CEP350: variants seen among roughly 807,000 people sequenced by gnomAD.
The protein encoded by CEP350 is centrosomal protein 350.
A neutral mutation model predicts 331.8 loss-of-function variants in CEP350; 126 were observed. The ratio of observed to expected loss-of-function variants is 0.38; its 90% CI spans 0.33 to 0.44. The LOEUF is 0.44. Ranked by LOEUF, CEP350 falls within the 20% of genes least tolerant of loss-of-function variation. The pLI, the probability that CEP350 is intolerant of heterozygous loss-of-function variation, is 1.00. For synonymous variants in CEP350, 1,200 were observed against 1,259.5 expected (o/e 0.95, Z 1.00); for missense variants, 3,406 against 3,634.6 (o/e 0.94, Z 1.62).
rs1301938000 is a variant in CEP350 at position 180,065,158 on chromosome 1, G to C, written c.5453G>C (p.Ser1818Thr). 1.9e-6 allele frequency: 3 copies of C among 1,613,304 alleles called. No homozygotes were observed. The highest frequency in any genetic ancestry group is 2.5e-6 in the Non-Finnish European group (3 of 1,179,658). Residue 1818 changes from serine to threonine, a missense_variant, in exon 27 of 38, where the codon AGT (serine) becomes ACT (threonine). This residue lies in a region of CEP350 where 1,415 missense variants were observed against 1,512.3 expected (regional missense o/e 0.94). Transcript: ENST00000367607. Reference protein sequence around the residue: ...DDDTKDNKATSPGPTDLETRS... With the variant: ...DDDTKDNKATTPGPTDLETRS... ...GATACAAAGGATAATAAGGCAACCA[G>C]TCCTGGTCCAACTGACTTGGAGACC...
At chr1:180,065,719 C>T (rs527551319) in intron 27 of CEP350, among the ~76,000 whole-genome samples, 10 of 152,044 alleles carry the variant, frequency 6.6e-5, no homozygotes, top group African/African-American at 2.2e-4. Context: ...GATTGTGCCA[C>T]TGCACTCCAG....
chr1:180,077,120 G>A (rs1659269093), intron 28 of CEP350, among the ~76,000 whole-genome samples: 1 of 151,980 alleles, frequency 6.6e-6, no homozygotes, highest in South Asian at 2.1e-4. Context: ...ATACACATAG[G>A]TAATCCAGAA....
intron 3 of CEP350, among the ~76,000 whole-genome samples, chr1:179,990,056 G>A (rs908493720): frequency 4.6e-5 from 7 of 151,956 alleles, no homozygotes; most frequent in Admixed American, 4.6e-4. Context: ...CGGCGTGGTG[G>A]CGCACGCCTG....
chr1:180,095,388 C>A, intron 34 of CEP350, 135 bp from the exon 35 acceptor site: 1 of 990,818 alleles, frequency 1.0e-6, no homozygotes, highest in Non-Finnish European at 1.4e-6. Context: ...TAGTAGCCAC[C>A]ATATTGTTTT....
chr1:180,048,755 G>A, intron 22 of CEP350, 50 bp downstream of exon 22: 1 of 1,427,754 alleles, frequency 7.0e-7, no homozygotes, highest in Non-Finnish European at 9.7e-7. Context: ...GAAACCAGAG[G>A]AAAGGTGATC....
intron 37 of CEP350, among the ~76,000 whole-genome samples, chr1:180,104,933 T>C (rs1245462841): frequency 6.6e-6 from 1 of 152,140 alleles, no homozygotes; most frequent in Non-Finnish European, 1.5e-5. Flanking sequence ...ACTGAATCTT[T>C]TCCATTAGCA....
rs1210607526 is a variant in CEP350 at position 179,955,130 on chromosome 1, G to A, written c.-26G>A. On this transcript the variant is annotated 5_prime_UTR_variant, in exon 1 of 38. Transcript: ENST00000367607. ...TGCACCGTGGTAGCCGAGGGCGGAG[G>A]CGACACTCTCAGGTGAGCTCCTGTA... 1 of 1,469,398 alleles carries A rather than the reference G, an allele frequency of 6.8e-7. No individual in the cohort carries two copies. The highest frequency in any genetic ancestry group is 1.5e-5 in the African/African-American group (1 of 68,622). 91.0% of individuals were successfully genotyped at this position (1,469,398 alleles called of 1,614,324 possible). A position where few individuals can be genotyped will look rare whatever the true frequency, so the allele number is the denominator to read the frequency against.
Position 180,031,451 on chromosome 1 carries a change from G to A in CEP350, c.3682G>A (p.Asp1228Asn), listed in dbSNP as rs1656013861. Residue 1228 changes from aspartate (D) to asparagine (N), a missense_variant, in exon 15 of 38, where the codon GAT becomes AAT. Physicochemically the swap from Asp to Asn is conservative, Grantham distance 23 (BLOSUM62 1). Transcript: ENST00000367607. ...TGTTAAAGATTTTGAGCAGACTCTTGATACAGATAGCACTTTGGAGGATCT... is the reference window on the plus strand; with the variant it reads ...TGTTAAAGATTTTGAGCAGACTCTTAATACAGATAGCACTTTGGAGGATCT... ...LSVKDFEQTL[D>N]TDSTLEDLSG... 12 of 1,587,304 alleles carry A rather than the reference G, an allele frequency of 7.6e-6. No individual in the cohort carries two copies. The highest frequency in any genetic ancestry group is 1.0e-5 in the Non-Finnish European group (12 of 1,165,474).
At chr1:180,019,811 GATCTTTATCTTTTTT>G (rs1329561238) in intron 11 of CEP350, 123 bp from the exon 12 acceptor site, 1 of 634,746 alleles carries the variant, frequency 1.6e-6, no homozygotes, top group African/African-American at 1.9e-5. Flanking sequence ...TTTGCTGAGT[GATCTTTATCTTTTTT>G]ATATTTTTTA....
intron 1 of CEP350, among the ~76,000 whole-genome samples, chr1:179,974,405 C>T (rs1460220772): frequency 6.6e-6 from 1 of 152,096 alleles, no homozygotes; most frequent in Non-Finnish European, 1.5e-5. Flanking sequence ...AAATGGAGCT[C>T]ATAACAGCTT....
chr1:180,051,879 C>G (rs993300696), intron 22 of CEP350, among the ~76,000 whole-genome samples: 2 of 152,130 alleles, frequency 1.3e-5, no homozygotes, highest in African/African-American at 4.8e-5. Flanking sequence ...GTTAACAGTT[C>G]TTTACATATA....
rs1305428458 is a variant in CEP350 at position 180,070,856 on chromosome 1, A to G, written c.5568-4166A>G. On this transcript the variant is annotated intron_variant, in intron 27 of 37. Coordinates refer to ENST00000367607, the MANE Select transcript of CEP350 (RefSeq NM_014810.5). ...TTCAGAGTGTGAAAGTGTGACTTTA[A>G]AAGTGAATTAAGGCCAGGTGCCGTG... is the stretch of plus-strand genomic sequence containing the variant. Among the ~76,000 whole-genome samples the G allele has an allele frequency of 5.9e-5, 9 of 152,324 alleles. No homozygotes were observed. The South Asian group carries it at 1.5e-3, about 25-fold the overall frequency.
chr1:179,955,814 G>A (rs1018402544), intron 1 of CEP350, among the ~76,000 whole-genome samples: 1 of 152,220 alleles, frequency 6.6e-6, no homozygotes, highest in African/African-American at 2.4e-5. Flanking sequence ...TTTTAATGCA[G>A]TAGCAAATCC....
intron 36 of CEP350, among the ~76,000 whole-genome samples, chr1:180,098,497 T>G (rs1035007664): frequency 1.3e-5 from 2 of 152,156 alleles, no homozygotes; most frequent in East Asian, 1.9e-4. Context: ...TGTACCACCA[T>G]GCCCAGCTAA....
At chr1:180,053,212 C>T in intron 23 of CEP350, 46 bp downstream of exon 23, 2 of 949,334 alleles carry the variant, frequency 2.1e-6, no homozygotes, top group Non-Finnish European at 3.0e-6. Flanking sequence ...TGGATATGTT[C>T]TCTCAAAGAT....
At chr1:179,955,538 T>A (rs1161773763) in intron 1 of CEP350, among the ~76,000 whole-genome samples, 1 of 152,220 alleles carries the variant, frequency 6.6e-6, no homozygotes, top group Non-Finnish European at 1.5e-5. Flanking sequence ...TTTCTGTTCC[T>A]TTTCAGTGGG....
chr1:180,057,814 C>A (rs1657952782), intron 25 of CEP350, among the ~76,000 whole-genome samples: 1 of 152,170 alleles, frequency 6.6e-6, no homozygotes, highest in South Asian at 2.1e-4. Context: ...TTGGGGCTCT[C>A]CAGGGATTCA....
chr1:180,053,140 G>GA lies in CEP350; in HGVS notation c.4969dup (p.Thr1657AsnfsTer19). On this transcript the variant is annotated frameshift_variant, in exon 23 of 38. Transcript: ENST00000367607. LOFTEE classifies it high-confidence loss of function. ...TGACTCTGATGAAGAAGCTTCTCCAGAAAAAACTACACTGTCTACTGCCAA... is the reference window on the plus strand; with the variant it reads ...TGACTCTGATGAAGAAGCTTCTCCAGAAAAAAACTACACTGTCTACTGCCAA... 1 of 1,595,156 alleles carries GA rather than the reference G, an allele frequency of 6.3e-7. No individual in the cohort carries two copies.
chr1:180,004,189 A>G (rs556094843), intron 7 of CEP350, among the ~76,000 whole-genome samples: 4 of 152,102 alleles, frequency 2.6e-5, no homozygotes, highest in Admixed American at 6.6e-5. Context: ...TGGTTTTTTC[A>G]TCTGTAAGAT....
Sources: allele counts gnomAD v4.1 joint callset (sites outside exome capture counted in the v4.1 genomes callset), GRCh38; gene constraint gnomAD v4.1.1; regional missense constraint gnomAD v4.1.1; transcripts MANE v1.5; gene names NCBI Gene and HGNC (gene_info 2026-07-23, HGNC 2026-07-21).